Variants in GREB1L observed in about 807,000 individuals in gnomAD.
The protein encoded by GREB1L is GREB1-like protein.
In GREB1L, 17 loss-of-function variants were observed where a neutral mutation model predicts 200.8. The ratio of observed to expected loss-of-function variants is 0.08; its 90% CI spans 0.06 to 0.13. The LOEUF is 0.13. GREB1L is among the 10% of genes least tolerant of loss of function. GREB1L has a pLI of 1.00. For missense variants in GREB1L, 1,657 were observed against 2,367.7 expected, an observed-to-expected ratio of 0.70 and a Z score of 6.23; for synonymous variants, 789 against 893.0, an observed-to-expected ratio of 0.88 and a Z score of 2.08.
intron 19 of GREB1L, among the ~76,000 whole-genome samples, chr18:21,492,183 A>G (rs772485949): frequency 4.2e-4 from 64 of 152,004 alleles, no homozygotes; most frequent in Middle Eastern, 3.4e-3. Context: ...TGTCTCTACT[A>G]AAAATACAAA....
chr18:21,321,064 C>A (rs568499483), intron 1 of GREB1L, among the ~76,000 whole-genome samples: 1 of 152,046 alleles, frequency 6.6e-6, no homozygotes, highest in African/African-American at 2.4e-5. Context: ...GAGGCTGAGG[C>A]GGATGGATCA....
intron 2 of GREB1L, among the ~76,000 whole-genome samples, chr18:21,382,490 A>AT (rs1335266012): frequency 6.7e-6 from 1 of 148,426 alleles, no homozygotes; most frequent in African/African-American, 2.6e-5. Context: ...TTATACATGG[A>AT]ATTTTTTTTT....
At chr18:21,270,884 C>A (rs1376259608) in intron 1 of GREB1L, among the ~76,000 whole-genome samples, 1 of 152,104 alleles carries the variant, frequency 6.6e-6, no homozygotes, top group African/African-American at 2.4e-5. Flanking sequence ...TTGATTGTGT[C>A]ATTTCATCCT....
At chr18:21,472,291 T>G (rs1325624832) in intron 15 of GREB1L, among the ~76,000 whole-genome samples, 3 of 152,242 alleles carry the variant, frequency 2.0e-5, no homozygotes, top group Admixed American at 2.0e-4. Flanking sequence ...ATTTCTTCTT[T>G]TAATCAATTA....
intron 1 of GREB1L, among the ~76,000 whole-genome samples, chr18:21,328,282 A>T (rs987040395): frequency 4.6e-5 from 7 of 152,080 alleles, no homozygotes; most frequent in Admixed American, 3.9e-4. Flanking sequence ...TGGATAGTGT[A>T]GTCTTGTTCA....
chr18:21,422,067 T>C (rs1451831895), intron 7 of GREB1L, among the ~76,000 whole-genome samples: 3 of 152,220 alleles, frequency 2.0e-5, no homozygotes, highest in African/African-American at 7.2e-5. Flanking sequence ...CAAGGAACTT[T>C]CCAAGTTTGT....
At chr18:21,502,953 C>T (rs2036858855) in intron 23 of GREB1L, among the ~76,000 whole-genome samples, 1 of 152,178 alleles carries the variant, frequency 6.6e-6, no homozygotes, top group Admixed American at 6.5e-5. Flanking sequence ...GTTAGTTTGG[C>T]TTTCTCCCTT....
intron 27 of GREB1L, 58 bp downstream of exon 27, chr18:21,508,649 C>A: frequency 7.0e-7 from 1 of 1,434,530 alleles, no homozygotes; most frequent in Non-Finnish European, 9.6e-7. Context: ...AGCTCCATTC[C>A]CCTGGCATGA....
intron 1 of GREB1L, among the ~76,000 whole-genome samples, chr18:21,251,561 T>C (rs554015931): frequency 6.6e-6 from 1 of 152,276 alleles, no homozygotes; most frequent in Non-Finnish European, 1.5e-5. Context: ...ATAACACAAT[T>C]TAAAAACATT....
chr18:21,383,431 A>T, intron 2 of GREB1L, 79 bp from the exon 3 acceptor site: 1 of 1,058,236 alleles, frequency 9.4e-7, no homozygotes, highest in Non-Finnish European at 1.3e-6. Flanking sequence ...AGTTTAAATT[A>T]GCTCTACCTG....
chr18:21,436,426 G>C (rs1048217942), intron 7 of GREB1L, among the ~76,000 whole-genome samples: 2 of 152,106 alleles, frequency 1.3e-5, no homozygotes, highest in African/African-American at 4.8e-5. Context: ...TTGAGACCAA[G>C]AGTTCCAGAC....
intron 1 of GREB1L, among the ~76,000 whole-genome samples, chr18:21,291,811 C>T (rs2038454848): frequency 1.3e-5 from 2 of 152,216 alleles, no homozygotes; most frequent in East Asian, 1.9e-4. Context: ...TGAAAACGCC[C>T]CTGGCCGTAC....
chr18:21,377,497 C>T (rs957406840), intron 2 of GREB1L, among the ~76,000 whole-genome samples: 2 of 152,038 alleles, frequency 1.3e-5, no homozygotes, highest in East Asian at 1.9e-4. Context: ...GCAGAGAGGT[C>T]GGGTACAGTG....
At chr18:21,521,096 CTGAGGCAGGAGA>C (rs2037586456) in intron 32 of GREB1L, among the ~76,000 whole-genome samples, 1 of 152,060 alleles carries the variant, frequency 6.6e-6, no homozygotes, top group Non-Finnish European at 1.5e-5. Context: ...ACTGGGGAGG[CTGAGGCAGGAGA>C]ATGGCGTGAA....
chr18:21,442,521 G>A (rs1466671042), intron 10 of GREB1L, among the ~76,000 whole-genome samples: 1 of 152,124 alleles, frequency 6.6e-6, no homozygotes, highest in African/African-American at 2.4e-5. Flanking sequence ...TTGGAAAGAT[G>A]CATAGAACGT....
At chr18:21,490,960 G>C (rs2036310433) in intron 19 of GREB1L, among the ~76,000 whole-genome samples, 1 of 152,140 alleles carries the variant, frequency 6.6e-6, no homozygotes, top group Non-Finnish European at 1.5e-5. Flanking sequence ...TTTAGTGCAT[G>C]ACTGAGTCCC....
At position 21,492,174 on chromosome 18, in the gene GREB1L, G is replaced by A. The variant is rs186328734; in HGVS notation, c.3030+1823G>A. On this transcript the variant is annotated intron_variant, in intron 19 of 32. Transcript: ENST00000424526. Reference sequence around the variant, plus strand: ...ACCCTGGCTAACACGGTGAAACCCTGTCTCTACTAAAAATACAAAAAATTA... The same window carrying A: ...ACCCTGGCTAACACGGTGAAACCCTATCTCTACTAAAAATACAAAAAATTA... 1.8e-3 allele frequency among the ~76,000 whole-genome samples: 275 copies of A among 152,040 alleles called. 6 individuals carry two copies. The East Asian group carries it at 0.041, about 23-fold the overall frequency.
At chr18:21,514,936 A>C (rs562925033) in intron 28 of GREB1L, among the ~76,000 whole-genome samples, 1 of 152,296 alleles carries the variant, frequency 6.6e-6, no homozygotes, top group East Asian at 1.9e-4. Flanking sequence ...GTCCGACACA[A>C]TAAACCCCCA....
intron 27 of GREB1L, 124 bp downstream of exon 27, chr18:21,508,715 GA>G (rs35816889): frequency 0.058 from 21,867 of 373,896 alleles, 3 homozygotes; most frequent in East Asian, 0.11. Flanking sequence ...CCACTCTTCG[GA>G]AAAAAAAAAA....
Sources: gnomAD v4.1 joint callset for allele counts (sites outside exome capture counted in the v4.1 genomes callset) on GRCh38, gnomAD v4.1.1 for gene constraint, MANE v1.5 for transcripts, NCBI Gene and HGNC (gene_info 2026-07-23, HGNC 2026-07-21) for gene names.